AK9: variants seen among roughly 807,000 people sequenced by gnomAD.
The protein encoded by AK9 is adenylate kinase 9.
Under a neutral mutation model 239.6 loss-of-function variants are expected in AK9, and 191 were observed. The ratio of observed to expected loss-of-function variants is 0.80; its 90% CI spans 0.71 to 0.90. The LOEUF is 0.90. AK9 is among the 40% of genes least tolerant of loss of function. The pLI, the probability that AK9 is intolerant of heterozygous loss-of-function variation, is 0.00. For missense variants in AK9, 1,995 were observed against 2,214.7 expected (o/e 0.90, Z 1.99); for synonymous variants, 689 against 721.0 (o/e 0.96, Z 0.71).
At chr6:109,505,389 T>C (rs1778009740) in intron 35 of AK9, among the ~76,000 whole-genome samples, 1 of 152,218 alleles carries the variant, frequency 6.6e-6, no homozygotes, top group Non-Finnish European at 1.5e-5. Context: ...CAGATGTAGA[T>C]AACTTTCCTT....
chr6:109,510,519 C>T (rs1297643272), intron 32 of AK9, among the ~76,000 whole-genome samples: 3 of 152,218 alleles, frequency 2.0e-5, no homozygotes, highest in African/African-American at 4.8e-5. Context: ...TCCAGGGCCT[C>T]CTCTCTGCTG....
intron 8 of AK9, among the ~76,000 whole-genome samples, chr6:109,652,020 T>C (rs930002026): frequency 3.9e-5 from 6 of 151,952 alleles, no homozygotes; most frequent in Admixed American, 2.0e-4. Context: ...TTCCAATCAA[T>C]AGAAAAAGAG....
In AK9 at chr6:109,614,169, G is replaced by A. The variant is rs918552056; in HGVS notation, c.1609+14C>T. 1.1e-5 allele frequency: 17 copies of A among 1,537,740 alleles called. No individual in the cohort carries two copies. Among genetic ancestry groups the A allele is most frequent in the African/African-American group, 5.5e-5 (4 of 72,650 alleles). ...GAGATCCACAAACGTGGGATTAGCA[G>A]TTCACTTTGTTACCATCTTTATCAA... On this transcript the variant is annotated intron_variant, in intron 15 of 40. Transcript: ENST00000424296.
chr6:109,511,593 T>C (rs1778755844), intron 32 of AK9, among the ~76,000 whole-genome samples: 1 of 152,112 alleles, frequency 6.6e-6, no homozygotes, highest in African/African-American at 2.4e-5. Context: ...TGCTCTGTTG[T>C]GTGTATATTC....
At chr6:109,631,319 T>C (rs757508978) in intron 12 of AK9, among the ~76,000 whole-genome samples, 31 of 151,790 alleles carry the variant, frequency 2.0e-4, no homozygotes, top group Admixed American at 1.3e-3. Context: ...ATATAGATAA[T>C]ATTAGGAACT....
At chr6:109,577,004 G>A (rs776666899) in intron 20 of AK9, among the ~76,000 whole-genome samples, 3 of 151,906 alleles carry the variant, frequency 2.0e-5, no homozygotes, top group Non-Finnish European at 4.4e-5. Flanking sequence ...CTAATTTTTT[G>A]TATTTTTAGT....
In AK9 at chr6:109,675,831, C is replaced by T. The variant is rs771201602; in HGVS notation, c.-11-75G>A. 9.6e-6 allele frequency: 8 copies of T among 831,884 alleles called. No individual in the cohort carries two copies. In the Admixed American group the frequency reaches 1.9e-4, roughly 20 times the overall value. 51.5% of individuals were successfully genotyped at this position (831,884 alleles called of 1,614,324 possible). On this transcript the variant is annotated intron_variant, in intron 1 of 40. Transcript: ENST00000424296. ...AGGTGACTAGGAACAATTGAAATAA[C>T]CTGTGAGTTTTCTTAGCCCAGAAGT...
At chr6:109,565,007 AAT>A (rs1455202514) in intron 21 of AK9, among the ~76,000 whole-genome samples, 162 bp from the exon 22 acceptor site, 1 of 152,220 alleles carries the variant, frequency 6.6e-6, no homozygotes, top group Non-Finnish European at 1.5e-5. Context: ...AAGAATACAT[AAT>A]AAAAAAGGCA....
chr6:109,570,426 G>A (rs1787267674), intron 21 of AK9, among the ~76,000 whole-genome samples: 1 of 151,864 alleles, frequency 6.6e-6, no homozygotes, highest in African/African-American at 2.4e-5. Context: ...AGAACTTAAA[G>A]TATAATAATA....
At chr6:109,616,420 C>A (rs1353783813) in intron 13 of AK9, among the ~76,000 whole-genome samples, 1 of 150,912 alleles carries the variant, frequency 6.6e-6, no homozygotes, top group Non-Finnish European at 1.5e-5. Context: ...TTTTTTGACA[C>A]AGGTTGGAGT....
intron 38 of AK9, 101 bp downstream of exon 38, chr6:109,497,358 ACACACT>A (rs1484562414): frequency 6.5e-5 from 38 of 583,984 alleles, no homozygotes; most frequent in African/African-American, 3.2e-4. Flanking sequence ...ACACACACAC[ACACACT>A]CTCTCTCTCT....
At chr6:109,529,359 GT>G (rs979658382) in intron 28 of AK9, among the ~76,000 whole-genome samples, 3 of 152,100 alleles carry the variant, frequency 2.0e-5, no homozygotes, top group Non-Finnish European at 2.9e-5. Context: ...TCATTTGTTT[GT>G]TTGGTTTTGG....
chr6:109,643,675 G>T (rs757721447), intron 9 of AK9, among the ~76,000 whole-genome samples: 1 of 152,074 alleles, frequency 6.6e-6, no homozygotes, highest in East Asian at 1.9e-4. Flanking sequence ...CCTTACTATG[G>T]TTTACAAGGT....
At chr6:109,555,676 T>A (rs2128172096) in intron 24 of AK9, among the ~76,000 whole-genome samples, 1 of 152,368 alleles carries the variant, frequency 6.6e-6, no homozygotes, top group East Asian at 1.9e-4. Flanking sequence ...ACTTGTTTTA[T>A]GAATCTGGCT....
Position 109,605,597 on chromosome 6 carries a change from A to C in AK9, c.1842+4768T>G, listed in dbSNP as rs971216245. ...ATGGATAAAGAGCAAATACTGAGCAATTTTGGAGTAAGAAAGAGAGAAATG... is the reference window on the plus strand; with the variant it reads ...ATGGATAAAGAGCAAATACTGAGCACTTTTGGAGTAAGAAAGAGAGAAATG... On this transcript the variant is annotated intron_variant, in intron 17 of 40. Coordinates refer to ENST00000424296, the MANE Select transcript of AK9 (RefSeq NM_001145128.3). 1.7e-4 allele frequency among the ~76,000 whole-genome samples: 26 copies of C among 152,156 alleles called. 1 individual carries two copies. The highest frequency in any genetic ancestry group is 1.0e-3 in the Admixed American group (16 of 15,270).
chr6:109,590,359 A>G (rs1790053091), intron 17 of AK9, among the ~76,000 whole-genome samples: 2 of 152,108 alleles, frequency 1.3e-5, no homozygotes, highest in Admixed American at 6.6e-5. Flanking sequence ...ATGCACAGAG[A>G]TGCTGATAGT....
intron 29 of AK9, 111 bp downstream of exon 29, chr6:109,528,900 T>C: frequency 1.3e-6 from 2 of 1,512,474 alleles, no homozygotes; most frequent in African/African-American, 1.4e-5. Context: ...GGTGGGAGGA[T>C]CCCTTGAGCC....
rs1799774928 is a variant in AK9, at chr6:109,656,950, T to C, written c.631-66A>G. The C allele has an allele frequency of 3.2e-6, 5 of 1,559,586 alleles. No homozygotes were observed. The East Asian group carries it at 1.1e-4, about 35-fold the overall frequency. ...TGACTATTCAATTTACAAGCCATAT[T>C]CCCCACTCCTTACACCTAGATATCA... is the stretch of plus-strand genomic sequence containing the variant. On this transcript the variant is annotated intron_variant, in intron 7 of 40. Transcript: ENST00000424296.
In AK9 at chr6:109,533,273, T is replaced by C. The variant is rs754170759; in HGVS notation, c.3548A>G (p.Lys1183Arg). 4.4e-6 allele frequency: 7 copies of C among 1,608,588 alleles called. No homozygotes were observed. The highest frequency in any genetic ancestry group is 3.4e-5 in the Admixed American group (2 of 58,962). The stretch of plus-strand genomic sequence containing the variant: ...TACCCTGATTTTTGCCTTCATGTCT[T>C]TGATCAGTTTCTTCCTTTCTAATTT... ...KKKLERKKLI[K>R]DMKAKIRVDT... Residue 1183 changes from lysine (K) to arginine (R), a missense_variant, in exon 28 of 41, where the codon AAA becomes AGA. Physicochemically the swap from Lys to Arg is conservative, Grantham distance 26. This residue lies in a region of AK9 where 1,290 missense variants were observed against 1,392.7 expected (regional missense o/e 0.93). Transcript: ENST00000424296.
Sources: allele counts gnomAD v4.1 joint callset (sites outside exome capture counted in the v4.1 genomes callset), GRCh38; gene constraint gnomAD v4.1.1; regional missense constraint gnomAD v4.1.1; transcripts MANE v1.5; gene names NCBI Gene and HGNC (gene_info 2026-07-23, HGNC 2026-07-21).